Variants in TMEM44 observed in about 807,000 individuals in gnomAD.
TMEM44 encodes transmembrane protein 44.
In TMEM44, 43 loss-of-function variants were observed where a neutral mutation model predicts 47.8. The ratio of observed to expected loss-of-function variants is 0.90; its 90% CI spans 0.70 to 1.16. TMEM44 has a LOEUF of 1.16. TMEM44 is among the 50% of genes most tolerant of loss of function. The pLI is 0.00. For synonymous variants in TMEM44, 277 were observed against 238.8 expected (o/e 1.16, Z -1.48); for missense variants, 568 against 555.2 (o/e 1.02, Z -0.23).
intron 9 of TMEM44, among the ~76,000 whole-genome samples, chr3:194,592,499 T>TGTAACC (rs1712883689): frequency 6.6e-6 from 1 of 152,214 alleles, no homozygotes; most frequent in South Asian, 2.1e-4. Context: ...TTCACTGGGT[T>TGTAACC]ACACGTCTTC....
At position 194,623,541 on chromosome 3, in the gene TMEM44, C is replaced by T. The variant is rs753275224; in HGVS notation, c.513G>A (p.Ala171=). Residue 171 remains alanine, a synonymous_variant, in exon 4 of 10, where the codon GCG becomes GCA. Transcript: ENST00000347147. The stretch of plus-strand genomic sequence containing the variant: ...GGCCCAGCCTCACCTGCAGCAGGCT[C>T]GCTAGCAGCCTCCGCTGTGGCCCCC... ...TIRGPQRRLL[A]SLLQENTEIL... The T allele has an allele frequency of 3.1e-5, 50 of 1,595,564 alleles. No homozygotes were observed. The highest frequency in any genetic ancestry group is 1.9e-4 in the African/African-American group (14 of 74,464).
At position 194,591,674 on chromosome 3, in the gene TMEM44, G is replaced by A. The variant is rs528953165; in HGVS notation, c.1177-3035C>T. On this transcript the variant is annotated intron_variant, in intron 9 of 9. Transcript: ENST00000347147. The stretch of plus-strand genomic sequence containing the variant: ...ATCACCCAGGCTGGAGGCATGATCT[G>A]GGCTCACTGCAACCTCTGCCTCCTG... Among the ~76,000 whole-genome samples, 116 of 151,834 alleles carry A rather than the reference G, an allele frequency of 7.6e-4. 1 individual carries two copies. Among genetic ancestry groups the A allele is most frequent in the Non-Finnish European group, 1.2e-3 (81 of 67,956 alleles).
chr3:194,611,165 C>T lies in TMEM44; in HGVS notation c.913-145G>A, dbSNP rs1715287642. 2 of 681,508 alleles carry T rather than the reference C, an allele frequency of 2.9e-6. No homozygotes were observed. Among genetic ancestry groups the T allele is most frequent in the East Asian group, 5.4e-5 (2 of 36,776 alleles). The allele number at this position is 681,508 out of a possible 1,614,324, so 42.2% of individuals were successfully genotyped here. A position where few individuals can be genotyped will look rare whatever the true frequency, so the allele number is the denominator to read the frequency against. ...AACGGCACGTCTCACTTTCTGCTTCCTATAAGATGTGTCTTATCTTTCTCT... is the reference window on the plus strand; with the variant it reads ...AACGGCACGTCTCACTTTCTGCTTCTTATAAGATGTGTCTTATCTTTCTCT... On this transcript the variant is annotated intron_variant, in intron 7 of 9. Transcript: ENST00000347147. This position sits in a 1 kb window ranked among gnomAD's most constrained non-coding sequence, Gnocchi z 4.2.
Position 194,605,575 on chromosome 3 carries a change from C to T in TMEM44, c.1018-1130G>A, listed in dbSNP as rs146527226. ...TGTAGGGGAGCTCCTCTTTATAAAACCATCAGATCTCGTGAGACTAATTCA... is the reference window on the plus strand; with the variant it reads ...TGTAGGGGAGCTCCTCTTTATAAAATCATCAGATCTCGTGAGACTAATTCA... On this transcript the variant is annotated intron_variant, in intron 8 of 9. Coordinates refer to ENST00000347147, the MANE Select transcript of TMEM44 (RefSeq NM_001011655.3). 6.6e-5 allele frequency among the ~76,000 whole-genome samples: 10 copies of T among 152,240 alleles called. No homozygotes were observed. In the East Asian group the frequency reaches 1.9e-3, roughly 29 times the overall value.
intron 8 of TMEM44, among the ~76,000 whole-genome samples, chr3:194,605,501 G>C (rs1306905487): frequency 1.3e-5 from 2 of 152,206 alleles, no homozygotes; most frequent in Non-Finnish European, 2.9e-5. Flanking sequence ...AGGCAAAGGA[G>C]GAGCAAGTCA....
At chr3:194,590,158 A>G (rs1712463427) in intron 9 of TMEM44, 1 of 152,242 alleles carries the variant, frequency 6.6e-6, no homozygotes, top group Non-Finnish European at 1.5e-5. Flanking sequence ...AGTCTCCCTG[A>G]GCCATTGACA....
At chr3:194,599,190 G>A (rs1405551568) in intron 9 of TMEM44, among the ~76,000 whole-genome samples, 2 of 152,224 alleles carry the variant, frequency 1.3e-5, no homozygotes, top group African/African-American at 2.4e-5. Flanking sequence ...GGTATGGTCC[G>A]GAAGAGTAAG....
intron 9 of TMEM44, among the ~76,000 whole-genome samples, chr3:194,597,649 C>CAAA (rs532223669): frequency 5.8e-4 from 58 of 99,982 alleles, no homozygotes; most frequent in African/African-American, 1.7e-3. Flanking sequence ...GACTCTGTCT[C>CAAA]AAAAAAAAAA....
chr3:194,613,037 A>G lies in TMEM44; in HGVS notation c.913-2017T>C, dbSNP rs549404989. On this transcript the variant is annotated intron_variant, in intron 7 of 9. Transcript: ENST00000347147. ...CTTTTGATGAAGACAAATGGCCTCAATTAGAGTAAGTTCTGACTACTTGTA... is the reference window on the plus strand; with the variant it reads ...CTTTTGATGAAGACAAATGGCCTCAGTTAGAGTAAGTTCTGACTACTTGTA... Among the ~76,000 whole-genome samples the G allele has an allele frequency of 2.6e-4, 39 of 152,354 alleles. No individual in the cohort carries two copies. The South Asian group carries it at 7.7e-3, about 30-fold the overall frequency.
chr3:194,591,410 T>C (rs813149), intron 9 of TMEM44, among the ~76,000 whole-genome samples: 120,309 of 151,912 alleles, frequency 0.79, 47,674 homozygotes, highest in East Asian at 0.96. Context: ...AGGAGAATCG[T>C]TTGAACCCCG....
chr3:194,589,132 T>G (rs562152608), intron 9 of TMEM44: 15 of 163,408 alleles, frequency 9.2e-5, no homozygotes, highest in Admixed American at 1.2e-4. Flanking sequence ...CCCGAGTAGC[T>G]GGGACTACAG....
intron 7 of TMEM44, among the ~76,000 whole-genome samples, chr3:194,613,093 AC>A (rs1461597668): frequency 1.3e-5 from 2 of 152,246 alleles, no homozygotes; most frequent in Non-Finnish European, 2.9e-5. Context: ...ATAAAAGGAG[AC>A]GCATTAACTT....
intron 6 of TMEM44, among the ~76,000 whole-genome samples, 159 bp from the exon 7 acceptor site, chr3:194,615,856 C>T (rs1577200311): frequency 6.6e-6 from 1 of 152,090 alleles, no homozygotes; most frequent in Non-Finnish European, 1.5e-5. Context: ...CATCTGAAGA[C>T]AGGGCTAGGG....
chr3:194,621,708 T>C (rs1388334024), intron 5 of TMEM44, among the ~76,000 whole-genome samples: 75 of 145,010 alleles, frequency 5.2e-4, no homozygotes, highest in Non-Finnish European at 4.5e-5. Flanking sequence ...AAGATGCTCC[T>C]GGGCAAGTAA....
chr3:194,588,706 C>G, intron 9 of TMEM44, 67 bp from the exon 10 acceptor site: 2 of 1,451,334 alleles, frequency 1.4e-6, no homozygotes, highest in Non-Finnish European at 1.9e-6. Context: ...GTCATAACCC[C>G]TGACCCAAAC....
At chr3:194,628,631 G>C (rs995595996) in intron 1 of TMEM44, 122 bp from the exon 2 acceptor site, 1 of 1,252,568 alleles carries the variant, frequency 8.0e-7, no homozygotes, top group African/African-American at 1.5e-5. Context: ...GAGGTATTTA[G>C]GACGTGTTTT....
intron 2 of TMEM44, among the ~76,000 whole-genome samples, chr3:194,627,809 T>C (rs769568064): frequency 2.0e-5 from 3 of 152,068 alleles, no homozygotes; most frequent in Non-Finnish European, 4.4e-5. Context: ...TGAAACCCCA[T>C]CTCTATTAAA....
chr3:194,599,091 T>C lies in TMEM44; in HGVS notation c.1176+5196A>G, dbSNP rs560404347. Among the ~76,000 whole-genome samples, 300 of 152,276 alleles carry C rather than the reference T, an allele frequency of 2.0e-3. 5 individuals are homozygous for C. The highest frequency in any genetic ancestry group is 3.3e-3 in the South Asian group (16 of 4,822). The stretch of plus-strand genomic sequence containing the variant: ...CCAACGCCATGAAATATTTGAATTA[T>C]GCAATTCTCTTGGGAGCAAAAGAAG... On this transcript the variant is annotated intron_variant, in intron 9 of 9. Transcript: ENST00000347147.
At chr3:194,623,396 T>C (rs1357193610) in intron 4 of TMEM44, 86 bp from the exon 5 acceptor site, 52 of 1,512,154 alleles carry the variant, frequency 3.4e-5, no homozygotes, top group Non-Finnish European at 4.6e-5. Flanking sequence ...TCAGGAGTCC[T>C]TTTCTGCTTT....
Sources: allele counts gnomAD v4.1 joint callset (sites outside exome capture counted in the v4.1 genomes callset), GRCh38; gene constraint gnomAD v4.1.1; non-coding constraint Gnocchi (gnomAD v3.1); transcripts MANE v1.5; gene names NCBI Gene and HGNC (gene_info 2026-07-23, HGNC 2026-07-21).